SP4: variants seen among roughly 807,000 people sequenced by gnomAD.
SP4 encodes Sp4 transcription factor.
A neutral mutation model predicts 72.8 loss-of-function variants in SP4; 19 were observed. The ratio of observed to expected loss-of-function variants is 0.26; its 90% CI spans 0.18 to 0.38. SP4 has a LOEUF of 0.38. Ranked by LOEUF, SP4 falls within the 10% of genes least tolerant of loss-of-function variation. SP4 has a pLI of 1.00. For missense variants in SP4, 1,008 were observed against 926.3 expected (o/e 1.09, Z -1.14); for synonymous variants, 395 against 333.1 (o/e 1.19, Z -2.02).
chr7:21,476,205 T>C (rs780836435), intron 3 of SP4, among the ~76,000 whole-genome samples: 30 of 128,630 alleles, frequency 2.3e-4, no homozygotes, highest in East Asian at 4.6e-4. Flanking sequence ...ACCCAGGAGG[T>C]GGAGGTTGCA....
At chr7:21,471,994 A>G (rs1784358947) in intron 3 of SP4, among the ~76,000 whole-genome samples, 1 of 152,228 alleles carries the variant, frequency 6.6e-6, no homozygotes, top group African/African-American at 2.4e-5. Context: ...AATGACTTCC[A>G]AATTTTCTAT....
At chr7:21,431,170 C>T (rs2128389136) in intron 3 of SP4, among the ~76,000 whole-genome samples, 1 of 152,254 alleles carries the variant, frequency 6.6e-6, no homozygotes, top group Admixed American at 6.5e-5. Context: ...TCAGAAAGAA[C>T]CCTAGTCGAA....
intron 3 of SP4, among the ~76,000 whole-genome samples, chr7:21,441,135 G>A (rs1783232687): frequency 6.6e-6 from 1 of 152,180 alleles, no homozygotes; most frequent in Non-Finnish European, 1.5e-5. Context: ...AGGTTAGTGG[G>A]GAGTAAACAA....
chr7:21,454,001 TTTTAC>T (rs1330473975), intron 3 of SP4, among the ~76,000 whole-genome samples: 1 of 152,218 alleles, frequency 6.6e-6, no homozygotes, highest in Non-Finnish European at 1.5e-5. Flanking sequence ...CAAAAGTACA[TTTTAC>T]TTTACTTACA....
intron 5 of SP4, among the ~76,000 whole-genome samples, chr7:21,508,987 T>C (rs1427352944): frequency 1.3e-5 from 2 of 152,128 alleles, no homozygotes; most frequent in African/African-American, 2.4e-5. Flanking sequence ...TAATTGTTTA[T>C]TTTCTCAGAT....
intron 3 of SP4, among the ~76,000 whole-genome samples, chr7:21,462,073 G>C (rs960179573): frequency 1.4e-5 from 2 of 142,868 alleles, no homozygotes; most frequent in African/African-American, 5.3e-5. Flanking sequence ...CTGTTACCCA[G>C]GCAGTGCAGT....
In SP4 at chr7:21,502,574, T is replaced by C. The variant is rs117366459; in HGVS notation, c.2108-8448T>C. On this transcript the variant is annotated intron_variant, in intron 5 of 5. Transcript: ENST00000222584. Reference sequence around the variant, plus strand: ...GAAATGGAACCACCCATGCCTGAGGTCCTCCCGCAGCACATGCATAGTAGT... The same window carrying C: ...GAAATGGAACCACCCATGCCTGAGGCCCTCCCGCAGCACATGCATAGTAGT... Among the ~76,000 whole-genome samples the C allele has an allele frequency of 3.9e-5, 6 of 152,054 alleles. No homozygotes were observed. The East Asian group carries it at 1.2e-3, about 29-fold the overall frequency.
intron 3 of SP4, among the ~76,000 whole-genome samples, chr7:21,444,495 G>T (rs1377329731): frequency 6.6e-6 from 1 of 152,126 alleles, no homozygotes; most frequent in East Asian, 1.9e-4. Flanking sequence ...TAAATAATTT[G>T]CTCATGGCCA....
Position 21,441,014 on chromosome 7 carries a change from A to T in SP4, c.1678+10171A>T, listed in dbSNP as rs1049618223. The stretch of plus-strand genomic sequence containing the variant: ...AATGATGCTTGTGTTCAGGAGAAAG[A>T]TTTACATACATGAAACCATTATATG... On this transcript the variant is annotated intron_variant, in intron 3 of 5. Coordinates refer to ENST00000222584, the MANE Select transcript of SP4 (RefSeq NM_003112.5). 3.9e-5 allele frequency among the ~76,000 whole-genome samples: 6 copies of T among 152,216 alleles called. No individual in the cohort carries two copies. The East Asian group carries it at 9.6e-4, about 24-fold the overall frequency.
intron 3 of SP4, among the ~76,000 whole-genome samples, chr7:21,432,098 G>A (rs1319425680): frequency 6.6e-6 from 1 of 152,184 alleles, no homozygotes; most frequent in East Asian, 1.9e-4. Context: ...GCTACATGTG[G>A]CTGTTAAGCA....
At chr7:21,478,843 G>T (rs1562615100) in intron 4 of SP4, among the ~76,000 whole-genome samples, 1 of 152,166 alleles carries the variant, frequency 6.6e-6, no homozygotes, top group East Asian at 1.9e-4. Flanking sequence ...GCCAAGGCAG[G>T]TGGATCACCT....
At chr7:21,460,966 A>G (rs911214045) in intron 3 of SP4, among the ~76,000 whole-genome samples, 3 of 152,174 alleles carry the variant, frequency 2.0e-5, no homozygotes, top group Non-Finnish European at 2.9e-5. Flanking sequence ...TTAGCTAGAC[A>G]CAGCTGATTG....
intron 3 of SP4, among the ~76,000 whole-genome samples, chr7:21,441,616 A>C (rs1783248356): frequency 6.6e-6 from 1 of 152,206 alleles, no homozygotes; most frequent in African/African-American, 2.4e-5. Context: ...TTGTAGATAA[A>C]AGTGTAGAAA....
intron 5 of SP4, among the ~76,000 whole-genome samples, chr7:21,506,397 T>G (rs1583451523): frequency 6.6e-6 from 1 of 152,204 alleles, no homozygotes; most frequent in African/African-American, 2.4e-5. Flanking sequence ...ACCTTTTCTT[T>G]TTTCCATTTA....
intron 3 of SP4, among the ~76,000 whole-genome samples, chr7:21,444,208 T>C (rs1487926524): frequency 6.6e-6 from 1 of 152,178 alleles, no homozygotes; most frequent in Non-Finnish European, 1.5e-5. Context: ...CCTTAGATGA[T>C]TGAATAACAT....
chr7:21,428,294 GCCTCCCTCTCTCCCTC>G, intron 1 of SP4, 36 bp downstream of exon 1: 1 of 1,267,812 alleles, frequency 7.9e-7, no homozygotes, highest in Non-Finnish European at 1.1e-6. Context: ...CTCCTTCGCC[GCCTCCCTCTCTCCCTC>G]CCTCCCCAGA....
chr7:21,466,164 C>T (rs1784162321), intron 3 of SP4, among the ~76,000 whole-genome samples: 1 of 152,094 alleles, frequency 6.6e-6, no homozygotes, highest in Non-Finnish European at 1.5e-5. Flanking sequence ...TTGAGTGTGT[C>T]TTCCCTACAG....
chr7:21,435,545 C>T (rs1783022356), intron 3 of SP4, among the ~76,000 whole-genome samples: 3 of 151,992 alleles, frequency 2.0e-5, no homozygotes, highest in Admixed American at 2.0e-4. Context: ...CTTTCCTTTG[C>T]CATATATGTT....
At chr7:21,437,964 A>G (rs1433945575) in intron 3 of SP4, among the ~76,000 whole-genome samples, 3 of 152,118 alleles carry the variant, frequency 2.0e-5, no homozygotes, top group Non-Finnish European at 4.4e-5. Flanking sequence ...CTTTAAAAGA[A>G]AACAAGAAAT....
Sources: allele counts gnomAD v4.1 joint callset (sites outside exome capture counted in the v4.1 genomes callset), GRCh38; gene constraint gnomAD v4.1.1; transcripts MANE v1.5; gene names NCBI Gene and HGNC (gene_info 2026-07-23, HGNC 2026-07-21).